Variants in DCHS2 observed in about 807,000 individuals in gnomAD.
DCHS2 encodes the protein protocadherin-23.
Under a neutral mutation model 182.4 loss-of-function variants are expected in DCHS2, and 142 were observed. That is an observed-to-expected ratio of 0.78 (90% CI 0.68 to 0.89). The LOEUF (loss-of-function observed/expected upper bound fraction) is 0.89. DCHS2 is among the 40% of genes least tolerant of loss of function. The pLI is 0.00. For synonymous variants in DCHS2, 1,740 were observed against 1,663.3 expected (o/e 1.05, Z -1.12); for missense variants, 4,319 against 4,198.6 (o/e 1.03, Z -0.79).
At chr4:154,263,368 T>C (rs1207628633) in intron 14 of DCHS2, among the ~76,000 whole-genome samples, 1 of 151,964 alleles carries the variant, frequency 6.6e-6, no homozygotes, top group Admixed American at 6.6e-5. Context: ...ATAAATTATA[T>C]ATATAATACA....
chr4:154,275,510 T>C (rs1458066694), intron 13 of DCHS2, among the ~76,000 whole-genome samples: 1 of 152,132 alleles, frequency 6.6e-6, no homozygotes, highest in Non-Finnish European at 1.5e-5. Flanking sequence ...GCTTATTTTA[T>C]TGCATTTTGA....
chr4:154,333,259 C>A lies in DCHS2; in HGVS notation c.2949G>T (p.Ser983=). ...TGGTCTGGGATATTCTAATCTCATC[C>A]GAGGTCCTGAGGAACGCTGGGTGGT... ...NDNHPAFLRT[S]DEIRISQTTP... The change falls in exon 5 of 20, where the codon TCG becomes TCT. Residue 983 remains serine (S), a synonymous_variant. Coordinates refer to ENST00000357232, the MANE Select transcript of DCHS2 (RefSeq NM_001358235.2). 6.2e-7 allele frequency: 1 copy of A among 1,614,200 alleles called. No homozygotes were observed. Among genetic ancestry groups the A allele is most frequent in the Non-Finnish European group, 8.5e-7 (1 of 1,180,028 alleles).
intron 10 of DCHS2, among the ~76,000 whole-genome samples, chr4:154,309,443 C>G (rs1431047650): frequency 2.6e-5 from 4 of 152,124 alleles, no homozygotes; most frequent in Non-Finnish European, 5.9e-5. Flanking sequence ...TTGCAAGGCC[C>G]CCTCTCTCAT....
chr4:154,291,480 A>C (rs1734658196), intron 13 of DCHS2, among the ~76,000 whole-genome samples: 1 of 152,222 alleles, frequency 6.6e-6, no homozygotes, highest in South Asian at 2.1e-4. Context: ...AGTACATTGA[A>C]GATATCTGCA....
At position 154,278,041 on chromosome 4, in the gene DCHS2, ACAC is replaced by A. The variant is rs750795210; in HGVS notation, c.6464-8031_6464-8029del. 6.8e-4 allele frequency among the ~76,000 whole-genome samples: 92 copies of A among 135,700 alleles called. 3 individuals are homozygous for A. Among genetic ancestry groups the A allele is most frequent in the Admixed American group, 1.2e-3 (16 of 13,478 alleles). 89.0% of individuals were successfully genotyped at this position (135,700 alleles called of 152,430 possible). On this transcript the variant is annotated intron_variant, in intron 13 of 19. Coordinates refer to ENST00000357232, the MANE Select transcript of DCHS2 (RefSeq NM_001358235.2). The stretch of plus-strand genomic sequence containing the variant: ...GGGCAACAGAGCAAGACTCCATCAC[ACAC>A]ACAAAAAAAAAGAATTTAAAATAAT...
intron 3 of DCHS2, among the ~76,000 whole-genome samples, chr4:154,362,403 A>G (rs1730164196): frequency 1.3e-5 from 2 of 152,178 alleles, no homozygotes; most frequent in Non-Finnish European, 2.9e-5. Context: ...GAAGGATTTA[A>G]GTTACTTTTG....
At chr4:154,328,836 G>A (rs1011479495) in intron 6 of DCHS2, among the ~76,000 whole-genome samples, 3 of 152,080 alleles carry the variant, frequency 2.0e-5, no homozygotes, top group Non-Finnish European at 4.4e-5. Flanking sequence ...TTGTTGAGTT[G>A]TTCAATATGT....
chr4:154,479,189 G>A (rs573365405), intron 1 of DCHS2, among the ~76,000 whole-genome samples: 24 of 152,206 alleles, frequency 1.6e-4, no homozygotes, highest in African/African-American at 5.5e-4. Flanking sequence ...TTAAAAATGT[G>A]TTAGAAGGGC....
chr4:154,445,208 T>C (rs1734229289), intron 1 of DCHS2, among the ~76,000 whole-genome samples: 1 of 152,174 alleles, frequency 6.6e-6, no homozygotes, highest in Non-Finnish European at 1.5e-5. Context: ...GCCCACAGTG[T>C]TATCTTTAGG....
intron 1 of DCHS2, among the ~76,000 whole-genome samples, chr4:154,386,158 A>G (rs1731405617): frequency 6.6e-6 from 1 of 152,040 alleles, no homozygotes; most frequent in South Asian, 2.1e-4. Context: ...ACCAAATCCT[A>G]TTACTCTCTT....
intron 8 of DCHS2, 31 bp downstream of exon 8, chr4:154,322,300 G>A (rs1736090297): frequency 6.2e-7 from 1 of 1,610,748 alleles, no homozygotes. Context: ...ATCTTTAGAT[G>A]TCCTTCCATA....
At chr4:154,274,699 G>A (rs1202597446) in intron 13 of DCHS2, among the ~76,000 whole-genome samples, 2 of 152,082 alleles carry the variant, frequency 1.3e-5, no homozygotes, top group Non-Finnish European at 2.9e-5. Flanking sequence ...AGTACGGGAA[G>A]AAAGGAGGTT....
chr4:154,419,723 G>A (rs1187453225), intron 1 of DCHS2, among the ~76,000 whole-genome samples: 1 of 148,302 alleles, frequency 6.7e-6, no homozygotes, highest in Non-Finnish European at 1.5e-5. Context: ...GAATATAGAG[G>A]AAAGGAGTCA....
At chr4:154,280,992 T>C (rs774229566) in intron 13 of DCHS2, among the ~76,000 whole-genome samples, 8 of 152,136 alleles carry the variant, frequency 5.3e-5, no homozygotes, top group Non-Finnish European at 8.8e-5. Flanking sequence ...CATACCTGGC[T>C]AATTTTTGTA....
At chr4:154,357,140 C>T (rs1579003359) in intron 3 of DCHS2, 2 of 895,130 alleles carry the variant, frequency 2.2e-6, no homozygotes, top group East Asian at 4.9e-5. Flanking sequence ...TTAAAACTCA[C>T]TTTCTCATAT....
intron 16 of DCHS2, among the ~76,000 whole-genome samples, chr4:154,248,265 T>C (rs1473016889): frequency 6.6e-6 from 1 of 152,154 alleles, no homozygotes; most frequent in African/African-American, 2.4e-5. Context: ...TAATTACTGA[T>C]TAAATGAAAA....
At chr4:154,320,228 A>G in intron 9 of DCHS2, 151 bp downstream of exon 9, 1 of 1,301,566 alleles carries the variant, frequency 7.7e-7, no homozygotes, top group Non-Finnish European at 1.0e-6. Flanking sequence ...TAAGCAAGGT[A>G]AATAATATCT....
chr4:154,255,641 C>G lies in DCHS2; in HGVS notation c.6819G>C (p.Leu2273Phe). ...QVFATDLDSG[L>F]NGLIEYSILS... is the part of the protein sequence containing the mutation. ...GAATAGAATACTCAATCAGGCCGTT[C>G]AAACCACTGTCCAAGTCGGTAGCAA... Residue 2273 changes from leucine to phenylalanine, a missense_variant, in exon 16 of 20, where the codon TTG becomes TTC. Coordinates refer to ENST00000357232, the MANE Select transcript of DCHS2 (RefSeq NM_001358235.2). 6.2e-7 allele frequency: 1 copy of G among 1,613,804 alleles called. No homozygotes were observed. Among genetic ancestry groups the G allele is most frequent in the Middle Eastern group, 1.7e-4 (1 of 6,060 alleles).
chr4:154,366,654 G>GAC (rs148346473), intron 2 of DCHS2, among the ~76,000 whole-genome samples: 15 of 150,978 alleles, frequency 9.9e-5, no homozygotes, highest in East Asian at 1.9e-4. Context: ...CACACACACA[G>GAC]ACACACACAC....
Sources: allele counts gnomAD v4.1 joint callset (sites outside exome capture counted in the v4.1 genomes callset), GRCh38; gene constraint gnomAD v4.1.1; transcripts MANE v1.5; gene names NCBI Gene and HGNC (gene_info 2026-07-23, HGNC 2026-07-21).